Variants in RBFOX1 observed in about 807,000 individuals in gnomAD.
RBFOX1 encodes RNA binding protein fox-1 homolog 1.
RBFOX1 carries 8 observed loss-of-function variants against 57.7 expected under a neutral mutation model. The observed-to-expected ratio is 0.14, with a 90% CI of 0.08 to 0.25. The LOEUF (loss-of-function observed/expected upper bound fraction) is 0.25. RBFOX1 is among the 10% of genes least tolerant of loss of function. The pLI, the probability that RBFOX1 is intolerant of heterozygous loss-of-function variation, is 1.00. For synonymous variants in RBFOX1, 326 were observed against 222.4 expected (o/e 1.47, Z -4.15); for missense variants, 611 against 548.5 (o/e 1.11, Z -1.14).
Position 6,831,348 on chromosome 16 carries a change from A to G in RBFOX1, c.-16+176698A>G, listed in dbSNP as rs963364272. On this transcript the variant is annotated intron_variant, in intron 3 of 15. Coordinates refer to ENST00000550418, the MANE Select transcript of RBFOX1 (RefSeq NM_018723.4). ...GTTTTTTCCAATGTCTTATTAGATG[A>G]TACGTATTTTCTAGATTTTACTGAG... 1.8e-4 allele frequency among the ~76,000 whole-genome samples: 27 copies of G among 152,290 alleles called. 1 individual carries two copies. Among genetic ancestry groups the G allele is most frequent in the African/African-American group, 6.0e-4 (25 of 41,572 alleles).
chr16:7,045,078 A>G (rs1307681240), intron 3 of RBFOX1, among the ~76,000 whole-genome samples: 1 of 152,140 alleles, frequency 6.6e-6, no homozygotes, highest in Non-Finnish European at 1.5e-5. Context: ...TGAGGAAAGC[A>G]TGGATCTGCA....
chr16:7,369,330 T>A (rs1362723890), intron 4 of RBFOX1, among the ~76,000 whole-genome samples: 1 of 152,000 alleles, frequency 6.6e-6, no homozygotes, highest in Non-Finnish European at 1.5e-5. Flanking sequence ...TCATCCAGCT[T>A]TTCTGCAAAG....
At chr16:7,363,854 G>C (rs567154410) in intron 4 of RBFOX1, among the ~76,000 whole-genome samples, 57 of 152,248 alleles carry the variant, frequency 3.7e-4, no homozygotes, top group Admixed American at 2.9e-3. Flanking sequence ...CTGGGTGGAG[G>C]GGGAGGGACG....
At chr16:6,798,616 G>C (rs1449079959) in intron 3 of RBFOX1, among the ~76,000 whole-genome samples, 2 of 152,162 alleles carry the variant, frequency 1.3e-5, no homozygotes, top group Non-Finnish European at 2.9e-5. Flanking sequence ...GTGCTTTGTT[G>C]ACTAGTGCCT....
intron 3 of RBFOX1, among the ~76,000 whole-genome samples, chr16:6,953,471 C>T (rs9927404): frequency 0.15 from 22,131 of 152,008 alleles, 1,947 homozygotes; most frequent in Non-Finnish European, 0.19. Context: ...CCGCAACCTC[C>T]ACCTCCTGGG....
chr16:7,447,854 T>C (rs1475291717), intron 4 of RBFOX1, among the ~76,000 whole-genome samples: 7 of 152,262 alleles, frequency 4.6e-5, no homozygotes, highest in African/African-American at 1.7e-4. Flanking sequence ...AACAGATTTT[T>C]CTGTGTGTTC....
chr16:5,451,342 A>G (rs1440397027), intron 1 of RBFOX1, among the ~76,000 whole-genome samples: 2 of 152,234 alleles, frequency 1.3e-5, no homozygotes, highest in East Asian at 3.9e-4. Flanking sequence ...ATCAACAGGG[A>G]TAATCTCCAC....
In RBFOX1 at chr16:6,938,455, C is replaced by A. The variant is rs544745909; in HGVS notation, c.-15-113602C>A. Among the ~76,000 whole-genome samples, 188 of 152,112 alleles carry A rather than the reference C, an allele frequency of 1.2e-3. 1 individual carries two copies. Among genetic ancestry groups the A allele is most frequent in the Non-Finnish European group, 1.9e-3 (127 of 68,032 alleles). ...GCTGTTGTTATTTTTGTTGTTCTTG[C>A]CATCACTTTTCTTGTCTGAGAAATT... On this transcript the variant is annotated intron_variant, in intron 3 of 15. Transcript: ENST00000550418.
At chr16:6,750,985 C>T (rs1487332715) in intron 3 of RBFOX1, among the ~76,000 whole-genome samples, 1 of 151,676 alleles carries the variant, frequency 6.6e-6, no homozygotes, top group African/African-American at 2.4e-5. Context: ...GCCAACTGGC[C>T]AAAAAGAGGA....
At chr16:5,678,199 G>A (rs2050222882) in intron 3 of RBFOX1, among the ~76,000 whole-genome samples, 1 of 152,190 alleles carries the variant, frequency 6.6e-6, no homozygotes, top group South Asian at 2.1e-4. Context: ...GGTTCCAGCA[G>A]CCCACAGATG....
chr16:5,579,498 G>C (rs1277711572), intron 2 of RBFOX1, among the ~76,000 whole-genome samples: 1 of 152,090 alleles, frequency 6.6e-6, no homozygotes, highest in Non-Finnish European at 1.5e-5. Context: ...ACCTGACCTT[G>C]CTTCAACCCT....
At chr16:5,295,969 A>T (rs1433725369) in intron 1 of RBFOX1, among the ~76,000 whole-genome samples, 1 of 152,248 alleles carries the variant, frequency 6.6e-6, no homozygotes, top group African/African-American at 2.4e-5. Context: ...GACTTCATAA[A>T]TATTAACTTC....
chr16:6,819,913 AG>A (rs2090963874), intron 3 of RBFOX1, among the ~76,000 whole-genome samples: 1 of 152,072 alleles, frequency 6.6e-6, no homozygotes, highest in African/African-American at 2.4e-5. Flanking sequence ...TCTGCACATC[AG>A]GGAGACTGTT....
intron 1 of RBFOX1, among the ~76,000 whole-genome samples, chr16:6,125,691 A>G (rs906995698): frequency 2.6e-5 from 4 of 152,136 alleles, no homozygotes; most frequent in African/African-American, 9.7e-5. Flanking sequence ...ATGCGTGTCT[A>G]ACCTGGATTG....
At chr16:5,943,326 C>T (rs935050463) in intron 4 of RBFOX1, among the ~76,000 whole-genome samples, 42 of 152,176 alleles carry the variant, frequency 2.8e-4, no homozygotes, top group Non-Finnish European at 1.5e-4. Flanking sequence ...GTTGATTCTG[C>T]ACATTAGAAT....
chr16:5,432,658 C>T (rs777316149), intron 1 of RBFOX1, among the ~76,000 whole-genome samples: 2 of 147,348 alleles, frequency 1.4e-5, no homozygotes, highest in Non-Finnish European at 3.0e-5. Flanking sequence ...TCAGAGAAGA[C>T]ATGGCAGGTC....
intron 14 of RBFOX1, among the ~76,000 whole-genome samples, chr16:7,707,938 G>A (rs903603173): frequency 6.6e-6 from 1 of 152,170 alleles, no homozygotes; most frequent in African/African-American, 2.4e-5. Context: ...GTCAGCTTCA[G>A]TCAGTATTAA....
At chr16:5,491,101 G>T (rs978060995) in intron 2 of RBFOX1, among the ~76,000 whole-genome samples, 10 of 151,774 alleles carry the variant, frequency 6.6e-5, no homozygotes, top group Non-Finnish European at 1.2e-4. Context: ...ATAATCTTAC[G>T]GGACCACCGT....
At chr16:7,071,884 T>C (rs1425904259) in intron 4 of RBFOX1, among the ~76,000 whole-genome samples, 1 of 152,138 alleles carries the variant, frequency 6.6e-6, no homozygotes, top group Non-Finnish European at 1.5e-5. Context: ...CCTAATTCAG[T>C]TGTTGAGACC....
Sources: gnomAD v4.1 joint callset for allele counts (sites outside exome capture counted in the v4.1 genomes callset) on GRCh38, gnomAD v4.1.1 for gene constraint, MANE v1.5 for transcripts, NCBI Gene and HGNC (gene_info 2026-07-23, HGNC 2026-07-21) for gene names.